Variants in MSRA observed in about 807,000 individuals in gnomAD.
MSRA encodes the protein mitochondrial peptide methionine sulfoxide reductase.
A neutral mutation model predicts 31.3 loss-of-function variants in MSRA; 54 were observed. The observed-to-expected ratio is 1.73, with a 90% confidence interval of 1.39 to 2.17. The LOEUF is 2.17. MSRA is among the 30% of genes most tolerant of loss of function. The pLI is 0.00. For missense variants in MSRA, 507 were observed against 300.9 expected (o/e 1.69, Z -5.07); for synonymous variants, 169 against 116.5 (o/e 1.45, Z -2.90).
chr8:10,245,254 G>T, intron 3 of MSRA, 31 bp downstream of exon 3: 1 of 1,603,290 alleles, frequency 6.2e-7, no homozygotes, highest in Non-Finnish European at 8.5e-7. Context: ...TGTATTACTA[G>T]GAGAAACAAG....
chr8:10,245,311 A>G, intron 3 of MSRA, 88 bp downstream of exon 3: 1 of 1,259,442 alleles, frequency 7.9e-7, no homozygotes, highest in Admixed American at 2.2e-5. Context: ...TAAAATGGAA[A>G]TATGTTTTTT....
At chr8:10,119,808 T>C (rs1800974218) in intron 1 of MSRA, among the ~76,000 whole-genome samples, 1 of 152,048 alleles carries the variant, frequency 6.6e-6, no homozygotes, top group African/African-American at 2.4e-5. Context: ...ACTACCTTGG[T>C]CAGGGTCCTG....
chr8:10,225,948 C>G (rs4537306), intron 2 of MSRA, among the ~76,000 whole-genome samples: 25,372 of 152,170 alleles, frequency 0.17, 2,360 homozygotes, highest in East Asian at 0.32. Flanking sequence ...GTGTAAATGA[C>G]TGTGTGGCAT....
At chr8:10,081,849 C>A (rs937634150) in intron 1 of MSRA, among the ~76,000 whole-genome samples, 31 of 152,272 alleles carry the variant, frequency 2.0e-4, no homozygotes, top group African/African-American at 7.5e-4. Flanking sequence ...ACCTCTTGAT[C>A]TGCAGTCAAA....
chr8:10,177,606 G>T, intron 1 of MSRA, among the ~76,000 whole-genome samples: 1 of 152,208 alleles, frequency 6.6e-6, no homozygotes, highest in East Asian at 1.9e-4. Context: ...AAAATTGCAT[G>T]TAGGTATTTG....
At position 10,316,232 on chromosome 8, in the gene MSRA, T is replaced by G. The variant is rs562729001; in HGVS notation, c.437-3651T>G. Among the ~76,000 whole-genome samples the G allele has an allele frequency of 3.0e-4, 45 of 152,142 alleles. No individual in the cohort carries two copies. The South Asian group carries it at 8.9e-3, about 30-fold the overall frequency. ...TCATACATCCCTATATTCCACCTTT[T>G]TTTTTTTTACTTAAATTATATATAT... On this transcript the variant is annotated intron_variant, in intron 4 of 5. Coordinates refer to ENST00000317173, the MANE Select transcript of MSRA (RefSeq NM_012331.5).
At chr8:10,274,828 C>G (rs1342818507) in intron 3 of MSRA, among the ~76,000 whole-genome samples, 1 of 152,072 alleles carries the variant, frequency 6.6e-6, no homozygotes, top group African/African-American at 2.4e-5. Flanking sequence ...CCCATCCACC[C>G]ACTCACCTGT....
At chr8:10,260,850 C>T (rs531805974) in intron 3 of MSRA, among the ~76,000 whole-genome samples, 1 of 152,116 alleles carries the variant, frequency 6.6e-6, no homozygotes, top group Admixed American at 6.6e-5. Flanking sequence ...ATGTTGTAAT[C>T]GTATGACTTT....
chr8:10,308,635 C>T (rs943277854), intron 4 of MSRA, among the ~76,000 whole-genome samples: 1 of 152,226 alleles, frequency 6.6e-6, no homozygotes, highest in African/African-American at 2.4e-5. Flanking sequence ...TTGGCACTTG[C>T]CTTTCCAACT....
At position 10,160,329 on chromosome 8, in the gene MSRA, A is replaced by G. The variant is rs971429134; in HGVS notation, c.143-47504A>G. Among the ~76,000 whole-genome samples, 3 of 151,994 alleles carry G rather than the reference A, an allele frequency of 2.0e-5. No homozygotes were observed. The East Asian group carries it at 5.9e-4, about 30-fold the overall frequency. ...GCTAACACAGTTAAACTCCGTCTCT[A>G]CTAAAAACACAAAAAATTAGCCAGG... On this transcript the variant is annotated intron_variant, in intron 1 of 5. Coordinates refer to ENST00000317173, the MANE Select transcript of MSRA (RefSeq NM_012331.5).
At chr8:10,186,594 A>G (rs1807076143) in intron 1 of MSRA, among the ~76,000 whole-genome samples, 1 of 152,204 alleles carries the variant, frequency 6.6e-6, no homozygotes, top group African/African-American at 2.4e-5. Flanking sequence ...TAACTAATTG[A>G]GTAGTAATCC....
chr8:10,274,504 T>C (rs1468503228), intron 3 of MSRA, among the ~76,000 whole-genome samples: 2 of 152,128 alleles, frequency 1.3e-5, no homozygotes, highest in Non-Finnish European at 2.9e-5. Context: ...TCAGCTGGGA[T>C]AGGAGGCAGA....
intron 3 of MSRA, among the ~76,000 whole-genome samples, chr8:10,261,767 T>G (rs2975681): frequency 0.63 from 95,746 of 151,892 alleles, 31,077 homozygotes; most frequent in East Asian, 0.96. Flanking sequence ...TGGTGTACAT[T>G]CTGTAGGTTT....
At chr8:10,363,738 C>CCACACACACACACACATACACA (rs1804992394) in intron 5 of MSRA, among the ~76,000 whole-genome samples, 1 of 103,288 alleles carries the variant, frequency 9.7e-6, no homozygotes, top group Non-Finnish European at 1.9e-5. Context: ...GATGCAGTCA[C>CCACACACACACACACATACACA]CACACACACA....
At chr8:10,059,673 G>A (rs1266900325) in intron 1 of MSRA, among the ~76,000 whole-genome samples, 4 of 152,110 alleles carry the variant, frequency 2.6e-5, no homozygotes, top group Admixed American at 2.6e-4. Flanking sequence ...AAATTCTTCT[G>A]CATGGCAAAA....
intron 2 of MSRA, among the ~76,000 whole-genome samples, chr8:10,225,081 G>C (rs1481048443): frequency 6.6e-6 from 1 of 152,192 alleles, no homozygotes; most frequent in African/African-American, 2.4e-5. Flanking sequence ...AGGTTGCAAT[G>C]AGCCGAGATC....
At chr8:10,162,134 G>A (rs1804714291) in intron 1 of MSRA, among the ~76,000 whole-genome samples, 1 of 152,154 alleles carries the variant, frequency 6.6e-6, no homozygotes, top group Non-Finnish European at 1.5e-5. Context: ...TGACGGAGTT[G>A]GGCCTGAGAC....
rs551001569 is a variant in MSRA at position 10,277,059 on chromosome 8, C to T, written c.332-24475C>T. Among the ~76,000 whole-genome samples the T allele has an allele frequency of 1.6e-4, 25 of 152,004 alleles. No individual in the cohort carries two copies. In the South Asian group the frequency reaches 4.6e-3, roughly 28 times the overall value. On this transcript the variant is annotated intron_variant, in intron 3 of 5. Coordinates refer to ENST00000317173, the MANE Select transcript of MSRA (RefSeq NM_012331.5). ...CTTTTCTAAATAAGAAAGTATATACCTCATTACTTGAGACCTAGATTTTAA... is the reference window on the plus strand; with the variant it reads ...CTTTTCTAAATAAGAAAGTATATACTTCATTACTTGAGACCTAGATTTTAA...
At chr8:10,284,248 G>A (rs1218825835) in intron 3 of MSRA, among the ~76,000 whole-genome samples, 1 of 152,056 alleles carries the variant, frequency 6.6e-6, no homozygotes, top group Non-Finnish European at 1.5e-5. Context: ...GAGTGCAATG[G>A]CACAATCTCG....
Sources: gnomAD v4.1 joint callset for allele counts (sites outside exome capture counted in the v4.1 genomes callset) on GRCh38, gnomAD v4.1.1 for gene constraint, MANE v1.5 for transcripts, NCBI Gene and HGNC (gene_info 2026-07-23, HGNC 2026-07-21) for gene names.